The following SCAI variants were observed in gnomAD, a reference collection of about 807,000 sequenced individuals.
SCAI encodes the protein suppressor of cancer cell invasion.
SCAI carries 24 observed loss-of-function variants against 92.2 expected under a neutral mutation model. The ratio of observed to expected loss-of-function variants is 0.26; its 90% CI spans 0.19 to 0.37. The LOEUF (loss-of-function observed/expected upper bound fraction) is 0.37, where lower values mean the gene tolerates loss of function less well. Ranked by LOEUF, SCAI falls within the 10% of genes least tolerant of loss-of-function variation. The pLI is 1.00. For synonymous variants in SCAI, 261 were observed against 258.6 expected, an observed-to-expected ratio of 1.01 and a Z score of -0.09; for missense variants, 450 against 736.2, an observed-to-expected ratio of 0.61 and a Z score of 4.50.
rs187445350 is a variant in SCAI, at chr9:124,983,836, T to A, written c.1327-7650A>T. Among the ~76,000 whole-genome samples, 5 of 152,390 alleles carry A rather than the reference T, an allele frequency of 3.3e-5. No individual in the cohort carries two copies. In the East Asian group the frequency reaches 7.7e-4, roughly 23 times the overall value. ...TTTACATTCCAACTTGGCTACCTAC[T>A]ATCTGTGTGATCTTGGGCAAATTAC... On this transcript the variant is annotated intron_variant, in intron 14 of 17. Transcript: ENST00000336505.
At chr9:125,123,455 T>C (rs942421258) in intron 2 of SCAI, among the ~76,000 whole-genome samples, 1 of 151,816 alleles carries the variant, frequency 6.6e-6, no homozygotes, top group African/African-American at 2.4e-5. Context: ...GACTCTATAG[T>C]TTGGAAATTA....
At chr9:124,988,014 G>A (rs764584372) in intron 14 of SCAI, among the ~76,000 whole-genome samples, 7 of 151,540 alleles carry the variant, frequency 4.6e-5, no homozygotes, top group Non-Finnish European at 8.8e-5. Context: ...GAGGCACTGG[G>A]TAAGGATATA....
intron 2 of SCAI, among the ~76,000 whole-genome samples, chr9:125,069,309 G>A (rs1833931717): frequency 6.6e-6 from 1 of 151,484 alleles, no homozygotes; most frequent in South Asian, 2.1e-4. Flanking sequence ...GGATCATTTT[G>A]TTATGAGCTC....
chr9:124,985,798 G>C (rs990082691), intron 14 of SCAI, among the ~76,000 whole-genome samples: 1 of 151,358 alleles, frequency 6.6e-6, no homozygotes, highest in Non-Finnish European at 1.5e-5. Context: ...GGGAGGCGGA[G>C]GTTGCAGTGA....
At chr9:125,060,776 A>G (rs547004567) in intron 2 of SCAI, among the ~76,000 whole-genome samples, 6 of 152,316 alleles carry the variant, frequency 3.9e-5, no homozygotes, top group Admixed American at 2.0e-4. Context: ...ATGTGGACCT[A>G]TAAGTCCAAT....
At chr9:125,065,034 A>C (rs1833847502) in intron 2 of SCAI, among the ~76,000 whole-genome samples, 1 of 152,208 alleles carries the variant, frequency 6.6e-6, no homozygotes, top group South Asian at 2.1e-4. Context: ...AAACACATAC[A>C]TTTAAAAAGA....
intron 2 of SCAI, among the ~76,000 whole-genome samples, chr9:125,056,663 C>T (rs1354218219): frequency 6.6e-6 from 1 of 152,152 alleles, no homozygotes; most frequent in East Asian, 1.9e-4. Context: ...TTGATCCACT[C>T]TATAAATCCT....
chr9:124,980,322 T>C (rs79334831), intron 14 of SCAI, among the ~76,000 whole-genome samples: 2,284 of 151,614 alleles, frequency 0.015, 54 homozygotes, highest in African/African-American at 0.052. Context: ...TTTTTTTTTT[T>C]CCCCCAATAA....
At chr9:125,056,969 T>A (rs1260491237) in intron 2 of SCAI, among the ~76,000 whole-genome samples, 6 of 152,188 alleles carry the variant, frequency 3.9e-5, no homozygotes, top group African/African-American at 7.2e-5. Context: ...CCACTTGTAA[T>A]AAATTTCATA....
chr9:124,982,882 G>C (rs1831915166), intron 14 of SCAI, among the ~76,000 whole-genome samples: 1 of 152,012 alleles, frequency 6.6e-6, no homozygotes, highest in Non-Finnish European at 1.5e-5. Flanking sequence ...TCACTAGCTG[G>C]GTGTGGTGGC....
chr9:125,093,644 C>T (rs992187470), intron 2 of SCAI, among the ~76,000 whole-genome samples: 9 of 151,116 alleles, frequency 6.0e-5, no homozygotes, highest in African/African-American at 2.2e-4. Flanking sequence ...TGGCTCACTG[C>T]AGCCTTCGCC....
At chr9:125,020,642 T>C in intron 7 of SCAI, 31 bp downstream of exon 7, 6 of 964,474 alleles carry the variant, frequency 6.2e-6, no homozygotes, top group East Asian at 5.3e-5. Flanking sequence ...CAACTAGAGA[T>C]TAGAATTTGA....
At chr9:125,136,073 G>A (rs943469308) in intron 2 of SCAI, among the ~76,000 whole-genome samples, 8 of 149,584 alleles carry the variant, frequency 5.3e-5, no homozygotes, top group South Asian at 2.1e-4. Context: ...TAGCAGACCC[G>A]TTCAATCAGT....
chr9:124,990,268 C>G (rs1832092147), intron 14 of SCAI, among the ~76,000 whole-genome samples: 1 of 151,996 alleles, frequency 6.6e-6, no homozygotes, highest in Non-Finnish European at 1.5e-5. Flanking sequence ...GTAGGCGGAT[C>G]ACCTCAAGTC....
chr9:125,108,558 GCC>G, intron 2 of SCAI, among the ~76,000 whole-genome samples: 1 of 144,998 alleles, frequency 6.9e-6, no homozygotes, highest in Non-Finnish European at 1.5e-5. Context: ...TCTCTGCCCA[GCC>G]GCCCCGTCTG....
intron 14 of SCAI, among the ~76,000 whole-genome samples, chr9:124,992,386 C>CT (rs200478699): frequency 0.049 from 7,130 of 144,330 alleles, 424 homozygotes; most frequent in East Asian, 0.22. Flanking sequence ...CTTTTCATTT[C>CT]TTTTTTTTTT....
chr9:124,990,793 G>A (rs1398138769), intron 14 of SCAI, among the ~76,000 whole-genome samples: 1 of 151,966 alleles, frequency 6.6e-6, no homozygotes, highest in Non-Finnish European at 1.5e-5. Flanking sequence ...AGGCAAATAG[G>A]GGTTGCAACA....
intron 8 of SCAI, 48 bp downstream of exon 8, chr9:125,019,059 C>T (rs370242928): frequency 7.5e-5 from 113 of 1,514,914 alleles, no homozygotes; most frequent in Non-Finnish European, 9.1e-5. Flanking sequence ...ATAAACTACA[C>T]GGTCATTTAT....
At chr9:124,953,060 G>T in intron 17 of SCAI, 107 bp from the exon 18 acceptor site, 1 of 863,886 alleles carries the variant, frequency 1.2e-6, no homozygotes. Context: ...TTTTATACTG[G>T]AATGATTCTT....
Sources: gnomAD v4.1 joint callset for allele counts (sites outside exome capture counted in the v4.1 genomes callset) on GRCh38, gnomAD v4.1.1 for gene constraint, MANE v1.5 for transcripts, NCBI Gene and HGNC (gene_info 2026-07-23, HGNC 2026-07-21) for gene names.